The following DNA2 variants were observed in gnomAD, a reference collection of about 807,000 sequenced individuals.
The protein encoded by DNA2 is DNA replication helicase/nuclease 2.
In DNA2, 101 loss-of-function variants were observed where a neutral mutation model predicts 119.1. The ratio of observed to expected loss-of-function variants is 0.85; its 90% CI spans 0.72 to 1.00. DNA2 has a LOEUF of 1.00. DNA2 is among the 50% of genes least tolerant of loss of function. The probability of loss-of-function intolerance (pLI) is 0.00; values close to 1 mark genes in which losing one functional copy is unlikely to be tolerated. For missense variants in DNA2, 1,121 were observed against 1,255.5 expected, an observed-to-expected ratio of 0.89 and a Z score of 1.62; for synonymous variants, 366 against 424.4, an observed-to-expected ratio of 0.86 and a Z score of 1.69.
chr10:68,465,891 C>A, intron 3 of DNA2, 79 bp from the exon 4 acceptor site: 1 of 1,239,868 alleles, frequency 8.1e-7, no homozygotes, highest in Non-Finnish European at 1.0e-6. Context: ...ATCTATTAAA[C>A]CACCATAGCC....
At chr10:68,465,405 A>G (rs1006270543) in intron 4 of DNA2, among the ~76,000 whole-genome samples, 3 of 152,154 alleles carry the variant, frequency 2.0e-5, no homozygotes, top group Non-Finnish European at 4.4e-5. Flanking sequence ...CTAATGCAAA[A>G]AAGTTCTTTA....
Position 68,414,338 on chromosome 10 carries a change from C to A in DNA2, c.*701G>T, listed in dbSNP as rs1370440639. 6.6e-6 allele frequency: 1 copy of A among 151,930 alleles called. No individual in the cohort carries two copies. Among genetic ancestry groups the A allele is most frequent in the Non-Finnish European group, 1.5e-5 (1 of 67,972 alleles). The allele number at this position is 151,930 out of a possible 1,614,324, so 9.4% of individuals were successfully genotyped here. A position where few individuals can be genotyped will look rare whatever the true frequency, so the allele number is the denominator to read the frequency against. On this transcript the variant is annotated 3_prime_UTR_variant, in exon 21 of 21. Coordinates refer to ENST00000358410, the MANE Select transcript of DNA2 (RefSeq NM_001080449.3). Reference sequence around the variant, plus strand: ...ACAAAAAAGGGAAAACTGAGTGATACCCCCAAACATAGGGGCATATGAACA... The same window carrying A: ...ACAAAAAAGGGAAAACTGAGTGATAACCCCAAACATAGGGGCATATGAACA...
chr10:68,419,861 C>T lies in DNA2; in HGVS notation c.2729G>A (p.Gly910Asp). ...TTTGGCTTCTGTTACATTGCTCACA[C>T]CACCTTTTTCAACTTGTTCTGGCGC... is the stretch of plus-strand genomic sequence containing the variant. ...VPAPEQVEKG[G>D]VSNVTEAKLI... Residue 910 changes from glycine (G) to aspartate (D), a missense_variant, in exon 18 of 21, where the codon GGT (glycine) becomes GAT (aspartate). Physicochemically the swap from Gly to Asp is moderately conservative, Grantham distance 94. Coordinates refer to ENST00000358410, the MANE Select transcript of DNA2 (RefSeq NM_001080449.3). 2 of 1,613,864 alleles carry T rather than the reference C, an allele frequency of 1.2e-6. No individual in the cohort carries two copies. The highest frequency in any genetic ancestry group is 1.7e-6 in the Non-Finnish European group (2 of 1,179,842).
At chr10:68,460,643 C>A (rs534562249) in intron 4 of DNA2, among the ~76,000 whole-genome samples, 35 of 151,964 alleles carry the variant, frequency 2.3e-4, no homozygotes, top group African/African-American at 8.2e-4. Context: ...CCTGACCTCA[C>A]GTGATCTGCC....
chr10:68,448,980 T>TGTGTGTGTGCGC (rs1554907491), intron 6 of DNA2, among the ~76,000 whole-genome samples: 1 of 142,116 alleles, frequency 7.0e-6, no homozygotes, highest in African/African-American at 3.0e-5. Context: ...TGTGTGTGTG[T>TGTGTGTGTGCGC]GTGTGTAGTA....
chr10:68,416,666 A>G, intron 20 of DNA2, 43 bp downstream of exon 20: 1 of 1,566,438 alleles, frequency 6.4e-7, no homozygotes, highest in Non-Finnish European at 8.8e-7. Context: ...AATACTCACA[A>G]CAGTGCAATC....
chr10:68,445,897 C>T (rs1179537918), intron 7 of DNA2, among the ~76,000 whole-genome samples: 4 of 152,054 alleles, frequency 2.6e-5, no homozygotes, highest in Non-Finnish European at 5.9e-5. Context: ...GAGACCAAGG[C>T]GGGCAGATCT....
At chr10:68,421,493 A>C (rs1440086206) in intron 17 of DNA2, among the ~76,000 whole-genome samples, 4 of 151,992 alleles carry the variant, frequency 2.6e-5, no homozygotes, top group African/African-American at 4.8e-5. Flanking sequence ...AGTGGCTCAC[A>C]CTATAATCCC....
chr10:68,459,520 C>T (rs1179446136), intron 4 of DNA2, among the ~76,000 whole-genome samples: 1 of 152,054 alleles, frequency 6.6e-6, no homozygotes, highest in Non-Finnish European at 1.5e-5. Context: ...CACAAAAGGA[C>T]TAATATTCAT....
Position 68,430,529 on chromosome 10 carries a change from A to T in DNA2, c.2115T>A (p.Val705=). The stretch of plus-strand genomic sequence containing the variant: ...CTGTAAATTGCTGGATAGCTGGATG[A>T]ACCTTCTGAATCTGACCCAAACGCA... ...GFLRLGQIQK[V]HPAIQQFTEQ... The change falls in exon 14 of 21, where the codon GTT becomes GTA. Residue 705 remains valine, a synonymous_variant. Transcript: ENST00000358410. The T allele has an allele frequency of 6.2e-7, 1 of 1,611,938 alleles. No individual in the cohort carries two copies. The highest frequency in any genetic ancestry group is 8.5e-7 in the Non-Finnish European group (1 of 1,178,966).
chr10:68,467,197 T>C (rs1189576192), intron 3 of DNA2, among the ~76,000 whole-genome samples: 1 of 151,854 alleles, frequency 6.6e-6, no homozygotes, highest in Non-Finnish European at 1.5e-5. Context: ...CACTGCAACC[T>C]CCGCCTCCAG....
In DNA2 at chr10:68,429,732, GA is replaced by G. The variant is rs1034907435; in HGVS notation, c.2208+703del. 2.8e-4 allele frequency among the ~76,000 whole-genome samples: 28 copies of G among 99,806 alleles called. No homozygotes were observed. The South Asian group carries it at 5.5e-3, about 20-fold the overall frequency. The allele number at this position is 99,806 out of a possible 152,430, so 65.5% of individuals were successfully genotyped here. On this transcript the variant is annotated intron_variant, in intron 14 of 20. Coordinates refer to ENST00000358410, the MANE Select transcript of DNA2 (RefSeq NM_001080449.3). Reference sequence around the variant, plus strand: ...ATCTCAAAAAAAAAAAAAAAAAAAAGAAAAAAAAATCTGTTAAGAACTCCCA... The same window carrying G: ...ATCTCAAAAAAAAAAAAAAAAAAAAGAAAAAAAATCTGTTAAGAACTCCCA...
intron 4 of DNA2, among the ~76,000 whole-genome samples, chr10:68,464,661 C>T (rs1012380234): frequency 6.6e-6 from 1 of 151,450 alleles, no homozygotes; most frequent in Non-Finnish European, 1.5e-5. Context: ...GAAACCCCGT[C>T]TCTACTAAAA....
chr10:68,435,150 C>T, intron 10 of DNA2, among the ~76,000 whole-genome samples: 1 of 151,888 alleles, frequency 6.6e-6, no homozygotes, highest in African/African-American at 2.4e-5. Flanking sequence ...ACCTCCTGGG[C>T]TCAACTGATC....
chr10:68,432,184 A>T (rs768376767), intron 12 of DNA2, 22 bp downstream of exon 12: 1 of 1,458,756 alleles, frequency 6.9e-7, no homozygotes, highest in Non-Finnish European at 9.4e-7. Context: ...TAATCAAAGC[A>T]GACATGGTGA....
At chr10:68,444,837 A>G in intron 8 of DNA2, 84 bp downstream of exon 8, 1 of 932,766 alleles carries the variant, frequency 1.1e-6, no homozygotes, top group East Asian at 2.7e-5. Context: ...GATGTTATCA[A>G]TGCCCGTCTG....
At chr10:68,458,406 G>A (rs569189715) in intron 5 of DNA2, among the ~76,000 whole-genome samples, 4 of 151,494 alleles carry the variant, frequency 2.6e-5, no homozygotes, top group East Asian at 3.9e-4. Context: ...GGTGGTGGGC[G>A]CCTGTAATCC....
intron 3 of DNA2, among the ~76,000 whole-genome samples, chr10:68,466,901 T>C (rs747264939): frequency 6.6e-6 from 1 of 151,380 alleles, no homozygotes; most frequent in Non-Finnish European, 1.5e-5. Context: ...TAAAACTTAA[T>C]ATTCAGGCCA....
intron 14 of DNA2, 148 bp from the exon 15 acceptor site, chr10:68,423,038 C>T (rs2051687595): frequency 3.4e-6 from 2 of 584,980 alleles, no homozygotes; most frequent in Non-Finnish European, 5.6e-6. Context: ...ATATTTATAG[C>T]ATGCAAATTT....
Sources: allele counts gnomAD v4.1 joint callset (sites outside exome capture counted in the v4.1 genomes callset), GRCh38; gene constraint gnomAD v4.1.1; transcripts MANE v1.5; gene names NCBI Gene and HGNC (gene_info 2026-07-23, HGNC 2026-07-21).